TRAPPC6B: variants seen among roughly 807,000 people sequenced by gnomAD.
The protein encoded by TRAPPC6B is TRAPP complex subunit 6B.
In TRAPPC6B, 27 loss-of-function variants were observed where a neutral mutation model predicts 24.7. That is an observed-to-expected ratio of 1.09 (90% CI 0.81 to 1.51). TRAPPC6B has a LOEUF of 1.51. Ranked by LOEUF, TRAPPC6B falls within the 40% of genes most tolerant of loss-of-function variation. The pLI, the probability that TRAPPC6B is intolerant of heterozygous loss-of-function variation, is 0.00. For synonymous variants in TRAPPC6B, 80 were observed against 66.6 expected (o/e 1.20, Z -0.98); for missense variants, 212 against 190.8 (o/e 1.11, Z -0.66).
At position 39,170,026 on chromosome 14, in the gene TRAPPC6B, G is replaced by A. The variant is rs1477740013; in HGVS notation, c.70C>T (p.Gln24Ter). The change falls in exon 1 of 6, where the codon CAG (glutamine) becomes TAG (stop). Residue 24 changes from glutamine (Q) to a stop codon, truncating the protein, a stop_gained. Transcript: ENST00000330149. LOFTEE classifies it high-confidence loss of function. ...GTGGCAGCACTCACCACCTCCCCCT[G>A]CTCCGCGGACTTGTACACTCCAGAC... is the stretch of plus-strand genomic sequence containing the variant. ...MVSGVYKSAE[Q>*]GEVENGRCIT... The A allele has an allele frequency of 6.2e-7, 1 of 1,614,120 alleles. No homozygotes were observed. The highest frequency in any genetic ancestry group is 2.2e-5 in the East Asian group (1 of 44,860).
intron 1 of TRAPPC6B, among the ~76,000 whole-genome samples, chr14:39,161,937 C>T (rs1395212465): frequency 6.6e-6 from 1 of 152,176 alleles, no homozygotes; most frequent in Non-Finnish European, 1.5e-5. Flanking sequence ...CTTCACCAGA[C>T]CGGTAGAGGG....
intron 3 of TRAPPC6B, chr14:39,157,479 T>C (rs2052996376): frequency 5.3e-6 from 2 of 374,734 alleles, no homozygotes; most frequent in Non-Finnish European, 5.2e-6. Flanking sequence ...GAGCAGGAGT[T>C]AACACCATCT....
chr14:39,161,717 G>A (rs181188065), intron 1 of TRAPPC6B, among the ~76,000 whole-genome samples: 26 of 152,022 alleles, frequency 1.7e-4, no homozygotes, highest in Non-Finnish European at 3.1e-4. Context: ...CAACCCACCA[G>A]GTACACTTCA....
rs374682519 is a variant in TRAPPC6B, at chr14:39,151,702, A to G, written c.445+44T>C. The stretch of plus-strand genomic sequence containing the variant: ...AATTAAAAAAAAAAACAGACCTGAA[A>G]ACAAATTACTAAAACATTTGTAAGA... On this transcript the variant is annotated intron_variant, in intron 5 of 5. Coordinates refer to ENST00000330149, the MANE Select transcript of TRAPPC6B (RefSeq NM_001079537.2). 27 of 1,425,016 alleles carry G rather than the reference A, an allele frequency of 1.9e-5. No homozygotes were observed. In the African/African-American group the frequency reaches 2.9e-4, roughly 15 times the overall value. The allele number at this position is 1,425,016 out of a possible 1,614,324, so 88.3% of individuals were successfully genotyped here.
chr14:39,154,838 C>T (rs2052956839), intron 3 of TRAPPC6B, among the ~76,000 whole-genome samples: 1 of 152,220 alleles, frequency 6.6e-6, no homozygotes. Flanking sequence ...GATAAAAACA[C>T]TGTCTGAGAC....
At chr14:39,161,086 A>G (rs1162144377) in intron 1 of TRAPPC6B, among the ~76,000 whole-genome samples, 1 of 152,250 alleles carries the variant, frequency 6.6e-6, no homozygotes, top group Non-Finnish European at 1.5e-5. Context: ...TACAATATTT[A>G]AAATAGCTAT....
At chr14:39,158,181 A>C in intron 3 of TRAPPC6B, 104 bp downstream of exon 3, 1 of 676,798 alleles carries the variant, frequency 1.5e-6, no homozygotes, top group Non-Finnish European at 2.4e-6. Context: ...AACATATTCC[A>C]AAGTTAACCA....
In TRAPPC6B at chr14:39,159,535, T is replaced by C; in HGVS notation, c.97A>G (p.Ile33Val). Residue 33 changes from isoleucine (I) to valine (V), a missense_variant, in exon 2 of 6, where the codon ATT becomes GTT. Coordinates refer to ENST00000330149, the MANE Select transcript of TRAPPC6B (RefSeq NM_001079537.2). ...AACCCCATGTTTTCCAGCTTAGTAA[T>C]ACATCGTCCGTTTTCCTATTTTAAA... ...EQGEVENGRC[I>V]TKLENMGFRV... 1 of 1,604,670 alleles carries C rather than the reference T, an allele frequency of 6.2e-7. No homozygotes were observed.
chr14:39,167,871 G>GA (rs59380407), intron 1 of TRAPPC6B, among the ~76,000 whole-genome samples: 47,913 of 147,860 alleles, frequency 0.32, 8,039 homozygotes, highest in Non-Finnish European at 0.38. Context: ...TAACCCACGG[G>GA]AAAAAAAAAA....
rs1350878458 is a variant in TRAPPC6B, at chr14:39,147,946, C to T, written c.*2404G>A. The stretch of plus-strand genomic sequence containing the variant: ...TAACCTAACTCTCCCTTTGTTTCTA[C>T]TAAGAGAGGTTTCTTTTTGGCTACA... On this transcript the variant is annotated 3_prime_UTR_variant, in exon 6 of 6. Transcript: ENST00000330149. The T allele has an allele frequency of 6.6e-6, 1 of 152,178 alleles. No individual in the cohort carries two copies. The highest frequency in any genetic ancestry group is 1.5e-5 in the Non-Finnish European group (1 of 68,032). 9.4% of individuals were successfully genotyped at this position (152,178 alleles called of 1,614,324 possible).
At chr14:39,152,677 G>A (rs1025742625) in intron 4 of TRAPPC6B, among the ~76,000 whole-genome samples, 3 of 152,086 alleles carry the variant, frequency 2.0e-5, no homozygotes, top group African/African-American at 7.2e-5. Context: ...GTTCTTAATC[G>A]GGGAATTTGT....
chr14:39,151,677 A>C lies in TRAPPC6B; in HGVS notation c.445+69T>G, dbSNP rs2052915715. 7 of 1,178,634 alleles carry C rather than the reference A, an allele frequency of 5.9e-6. No homozygotes were observed. The South Asian group carries it at 9.9e-5, about 17-fold the overall frequency. 73.0% of individuals were successfully genotyped at this position (1,178,634 alleles called of 1,614,324 possible). ...AGCATTTTAAATTTCCTCTCAGTTA[A>C]ATTAAAAAAAAAAACAGACCTGAAA... is the stretch of plus-strand genomic sequence containing the variant. On this transcript the variant is annotated intron_variant, in intron 5 of 5. Coordinates refer to ENST00000330149, the MANE Select transcript of TRAPPC6B (RefSeq NM_001079537.2).
intron 1 of TRAPPC6B, among the ~76,000 whole-genome samples, chr14:39,164,361 G>A (rs919022495): frequency 2.0e-5 from 3 of 152,006 alleles, no homozygotes; most frequent in African/African-American, 4.8e-5. Flanking sequence ...GCATGGTGGC[G>A]CATGCCTGTA....
chr14:39,160,862 A>G (rs886816628), intron 1 of TRAPPC6B, among the ~76,000 whole-genome samples: 1 of 152,188 alleles, frequency 6.6e-6, no homozygotes. Flanking sequence ...ATAAAATCCC[A>G]CAGTTAGCAT....
At chr14:39,160,672 AAC>A (rs2053046751) in intron 1 of TRAPPC6B, among the ~76,000 whole-genome samples, 2 of 152,050 alleles carry the variant, frequency 1.3e-5, no homozygotes, top group South Asian at 2.1e-4. Context: ...AAGAGACAGA[AAC>A]AGAGAGAAAA....
rs1417990667 is a variant in TRAPPC6B, at chr14:39,158,387, A to G, written c.165T>C (p.Thr55=). The G allele has an allele frequency of 1.9e-6, 3 of 1,589,794 alleles. No homozygotes were observed. Among genetic ancestry groups the G allele is most frequent in the South Asian group, 1.2e-5 (1 of 86,170 alleles). Residue 55 remains threonine, a synonymous_variant, in exon 3 of 6, where the codon ACT becomes ACC. Transcript: ENST00000330149. ...QGLIERFTKD[T]ARFKDELDIM... is the part of the protein sequence containing the mutation. ...TATCTAACTCATCCTTGAACCTTGC[A>G]GTATCTTTTGTAAACCTAAAAAGAT...
At position 39,154,261 on chromosome 14, in the gene TRAPPC6B, G is replaced by A. The variant is rs1318497082; in HGVS notation, c.301C>T (p.Leu101=). 10 of 1,613,180 alleles carry A rather than the reference G, an allele frequency of 6.2e-6. No homozygotes were observed. In the East Asian group the frequency reaches 2.2e-4, roughly 36 times the overall value. ...TTTCCTGCAGACATCTGAGTAAGCA[G>A]GCGAAATTTGTTGTCCTGAAGTACA... The part of the protein sequence containing the change: ...IYVLQDNKFR[L]LTQMSAGKQY... The change falls in exon 4 of 6, where the codon CTG becomes TTG. Residue 101 remains leucine (L), a synonymous_variant. Coordinates refer to ENST00000330149, the MANE Select transcript of TRAPPC6B (RefSeq NM_001079537.2).
At chr14:39,155,087 C>T (rs1355893548) in intron 3 of TRAPPC6B, among the ~76,000 whole-genome samples, 4 of 151,916 alleles carry the variant, frequency 2.6e-5, no homozygotes, top group African/African-American at 4.8e-5. Context: ...TGCCACCACA[C>T]CCGGCTAGTT....
At position 39,170,161 on chromosome 14, in the gene TRAPPC6B, C is replaced by A; in HGVS notation, c.-66G>T. 2 of 1,539,858 alleles carry A rather than the reference C, an allele frequency of 1.3e-6. No individual in the cohort carries two copies. The highest frequency in any genetic ancestry group is 1.1e-5 in the South Asian group (1 of 88,110). ...TTGAGCTGGTCTGGGGGTTCCAGCT[C>A]GCGCCTCAGCGACTTCGCCGGCGCC... On this transcript the variant is annotated 5_prime_UTR_variant, in exon 1 of 6. Transcript: ENST00000330149.
Sources: allele counts gnomAD v4.1 joint callset (sites outside exome capture counted in the v4.1 genomes callset), GRCh38; gene constraint gnomAD v4.1.1; transcripts MANE v1.5; gene names NCBI Gene and HGNC (gene_info 2026-07-23, HGNC 2026-07-21).